Variants in LRRTM4 observed in about 807,000 individuals in gnomAD.
The protein encoded by LRRTM4 is leucine-rich repeat transmembrane neuronal protein 4.
Under a neutral mutation model 47.6 loss-of-function variants are expected in LRRTM4, and 25 were observed. The observed-to-expected ratio is 0.53, with a 90% CI of 0.38 to 0.73. LRRTM4 has a LOEUF of 0.73. Ranked by LOEUF, LRRTM4 falls within the 30% of genes least tolerant of loss-of-function variation. LRRTM4 has a pLI of 0.00. For synonymous variants in LRRTM4, 311 were observed against 269.5 expected (o/e 1.15, Z -1.51); for missense variants, 638 against 713.4 (o/e 0.89, Z 1.20).
intron 3 of LRRTM4, among the ~76,000 whole-genome samples, chr2:76,775,000 T>G (rs1261408227): frequency 6.6e-6 from 1 of 152,216 alleles, no homozygotes; most frequent in Non-Finnish European, 1.5e-5. Context: ...AAAGTTGTCT[T>G]CTTTTAATTC....
chr2:77,325,348 G>A (rs1307458484), intron 3 of LRRTM4, among the ~76,000 whole-genome samples: 2 of 152,124 alleles, frequency 1.3e-5, no homozygotes, highest in Non-Finnish European at 2.9e-5. Flanking sequence ...CACTGTGGGT[G>A]GAACTGGCCA....
chr2:77,477,744 C>A lies in LRRTM4; in HGVS notation c.1551+40574G>T, dbSNP rs1677461393. Among the ~76,000 whole-genome samples, 4 of 149,286 alleles carry A rather than the reference C, an allele frequency of 2.7e-5. No homozygotes were observed. In the Admixed American group the frequency reaches 2.7e-4, roughly 10 times the overall value. ...GTGGTGGCTACTTGGGAGGCTATGG[C>A]AGGAGAATTCCTTGAACCCGGGAGG... On this transcript the variant is annotated intron_variant, in intron 3 of 3. Coordinates refer to ENST00000409884, the MANE Select transcript of LRRTM4 (RefSeq NM_001134745.3).
intron 3 of LRRTM4, among the ~76,000 whole-genome samples, chr2:77,479,339 T>C (rs1677560772): frequency 1.3e-5 from 2 of 152,244 alleles, no homozygotes; most frequent in Middle Eastern, 3.2e-3. Context: ...TAACAGCCAT[T>C]ATAAAACTAT....
chr2:77,356,823 T>G (rs1395041907), intron 3 of LRRTM4, among the ~76,000 whole-genome samples: 2 of 152,192 alleles, frequency 1.3e-5, no homozygotes, highest in Non-Finnish European at 2.9e-5. Context: ...CGTGTCGGTT[T>G]TCCTATATGC....
intron 3 of LRRTM4, among the ~76,000 whole-genome samples, chr2:77,494,183 A>G (rs1256410867): frequency 6.6e-6 from 1 of 152,188 alleles, no homozygotes; most frequent in Non-Finnish European, 1.5e-5. Context: ...CTGTTCTTGT[A>G]TATAATAATG....
chr2:77,276,053 C>T (rs1480221858), intron 3 of LRRTM4, among the ~76,000 whole-genome samples: 9 of 151,706 alleles, frequency 5.9e-5, no homozygotes, highest in African/African-American at 9.7e-5. Context: ...GAAATGTAAG[C>T]GGTAGAATCC....
intron 3 of LRRTM4, among the ~76,000 whole-genome samples, chr2:76,981,456 AAT>A (rs1402944251): frequency 6.6e-6 from 1 of 152,042 alleles, no homozygotes; most frequent in East Asian, 1.9e-4. Context: ...CAGTTGTAGA[AAT>A]TTAACATCAG....
intron 3 of LRRTM4, among the ~76,000 whole-genome samples, chr2:77,146,550 A>C (rs1672266732): frequency 6.6e-6 from 1 of 152,180 alleles, no homozygotes; most frequent in Non-Finnish European, 1.5e-5. Context: ...TCAAACAATG[A>C]AAAGCTCTGA....
At chr2:77,205,440 A>G (rs1444348872) in intron 3 of LRRTM4, among the ~76,000 whole-genome samples, 1 of 152,180 alleles carries the variant, frequency 6.6e-6, no homozygotes, top group Non-Finnish European at 1.5e-5. Flanking sequence ...TTCAGATAGG[A>G]ACAATGAGAA....
chr2:76,767,388 T>C (rs1000157259), intron 3 of LRRTM4, among the ~76,000 whole-genome samples: 2 of 152,218 alleles, frequency 1.3e-5, no homozygotes, highest in African/African-American at 4.8e-5. Context: ...TCATTTAGTG[T>C]TCACAGCAAT....
At chr2:77,518,148 G>A in intron 3 of LRRTM4, 170 bp downstream of exon 3, 2 of 1,257,554 alleles carry the variant, frequency 1.6e-6, no homozygotes, top group Non-Finnish European at 2.0e-6. Flanking sequence ...AAAAAAAGCA[G>A]TCAATTTCCT....
At position 77,016,810 on chromosome 2, in the gene LRRTM4, C is replaced by T. The variant is rs573591189; in HGVS notation, c.1552-267894G>A. On this transcript the variant is annotated intron_variant, in intron 3 of 3. Coordinates refer to ENST00000409884, the MANE Select transcript of LRRTM4 (RefSeq NM_001134745.3). ...ACCTATTGCCTTGTTCAACATTTGC[C>T]GCCTCTGGCTGCAGAAACTGATTAG... 7.9e-4 allele frequency among the ~76,000 whole-genome samples: 120 copies of T among 152,076 alleles called. No homozygotes were observed. The Middle Eastern group carries it at 0.01, about 13-fold the overall frequency.
At chr2:77,080,533 CT>C (rs1005338816) in intron 3 of LRRTM4, among the ~76,000 whole-genome samples, 17 of 152,268 alleles carry the variant, frequency 1.1e-4, no homozygotes, top group African/African-American at 4.1e-4. Flanking sequence ...TATAATTGAA[CT>C]CTTCACCACA....
intron 3 of LRRTM4, among the ~76,000 whole-genome samples, chr2:76,754,225 C>T (rs544910801): frequency 6.6e-6 from 1 of 152,028 alleles, no homozygotes; most frequent in Admixed American, 6.6e-5. Context: ...ATGTCCATAG[C>T]TAAATGAATA....
intron 3 of LRRTM4, among the ~76,000 whole-genome samples, chr2:77,314,775 C>T (rs1677569484): frequency 6.6e-6 from 1 of 152,158 alleles, no homozygotes; most frequent in African/African-American, 2.4e-5. Flanking sequence ...GAAAGTGATA[C>T]ACATTTAGTA....
At chr2:76,785,960 G>T (rs1573100047) in intron 3 of LRRTM4, among the ~76,000 whole-genome samples, 1 of 152,106 alleles carries the variant, frequency 6.6e-6, no homozygotes, top group East Asian at 1.9e-4. Flanking sequence ...GTAATCAATT[G>T]CACTTGACGG....
intron 3 of LRRTM4, among the ~76,000 whole-genome samples, chr2:76,842,435 G>A (rs963670967): frequency 6.6e-6 from 1 of 152,148 alleles, no homozygotes; most frequent in African/African-American, 2.4e-5. Context: ...TACATATGAT[G>A]CTCTTTGATT....
intron 3 of LRRTM4, among the ~76,000 whole-genome samples, chr2:77,186,274 AC>A (rs533741980): frequency 1.1e-4 from 16 of 152,066 alleles, no homozygotes; most frequent in Non-Finnish European, 1.9e-4. Flanking sequence ...GTAAGATGTG[AC>A]CTCCACGAAG....
chr2:77,343,976 T>C (rs1420058943), intron 3 of LRRTM4, among the ~76,000 whole-genome samples: 2 of 151,694 alleles, frequency 1.3e-5, no homozygotes, highest in East Asian at 1.9e-4. Flanking sequence ...AGTGGAGAAA[T>C]AGAACGAAGG....
Sources: allele counts gnomAD v4.1 joint callset (sites outside exome capture counted in the v4.1 genomes callset), GRCh38; gene constraint gnomAD v4.1.1; transcripts MANE v1.5; gene names NCBI Gene and HGNC (gene_info 2026-07-23, HGNC 2026-07-21).